Variants in MTMR3 observed in about 807,000 individuals in gnomAD.
MTMR3 encodes myotubularin related protein 3, also known as phosphatidylinositol-3,5-bisphosphate 3-phosphatase MTMR3.
MTMR3 carries 32 observed loss-of-function variants against 132.4 expected under a neutral mutation model. The observed-to-expected ratio is 0.24, with a 90% CI of 0.18 to 0.32. MTMR3 has a LOEUF of 0.32. Ranked by LOEUF, MTMR3 falls within the 10% of genes least tolerant of loss-of-function variation. The pLI, the probability that MTMR3 is intolerant of heterozygous loss-of-function variation, is 1.00. For synonymous variants in MTMR3, 556 were observed against 550.3 expected, an observed-to-expected ratio of 1.01 and a Z score of -0.14; for missense variants, 1,216 against 1,489.6, an observed-to-expected ratio of 0.82 and a Z score of 3.02.
At chr22:29,929,231 A>G (rs2065590731) in intron 1 of MTMR3, among the ~76,000 whole-genome samples, 1 of 152,006 alleles carries the variant, frequency 6.6e-6, no homozygotes, top group Admixed American at 6.6e-5. Context: ...CAGTGAGCTG[A>G]GATTGTGCCA....
chr22:30,010,769 T>C (rs961226102), intron 12 of MTMR3: 1 of 152,238 alleles, frequency 6.6e-6, no homozygotes, highest in Non-Finnish European at 1.5e-5. Context: ...CTAAGCCTTA[T>C]CTTTTAGTTC....
At chr22:29,946,844 T>A (rs2065963102) in intron 1 of MTMR3, among the ~76,000 whole-genome samples, 1 of 152,126 alleles carries the variant, frequency 6.6e-6, no homozygotes, top group African/African-American at 2.4e-5. Flanking sequence ...AAATGCTCAG[T>A]AGCGCAAATA....
chr22:30,003,140 T>G (rs2067208608), intron 9 of MTMR3, 147 bp downstream of exon 9: 1 of 602,830 alleles, frequency 1.7e-6, no homozygotes, highest in Non-Finnish European at 3.0e-6. Context: ...TTGTTAAAGC[T>G]TCTCCTCCAG....
At chr22:29,971,521 CATAT>C (rs991555576) in intron 3 of MTMR3, among the ~76,000 whole-genome samples, 1 of 150,450 alleles carries the variant, frequency 6.6e-6, no homozygotes, top group African/African-American at 2.4e-5. Context: ...TTTTGAAATA[CATAT>C]ATACCTTGTG....
chr22:29,929,528 TAGAC>T (rs916873608), intron 1 of MTMR3, among the ~76,000 whole-genome samples: 11 of 151,922 alleles, frequency 7.2e-5, no homozygotes, highest in East Asian at 1.9e-4. Context: ...TATTTTTTCT[TAGAC>T]AGAGTCTTGC....
chr22:29,988,469 TAAAA>T lies in MTMR3; in HGVS notation c.211-10_211-7del. 1 of 1,604,556 alleles carries T rather than the reference TAAAA, an allele frequency of 6.2e-7. No individual in the cohort carries two copies. Among genetic ancestry groups the T allele is most frequent in the Non-Finnish European group, 8.5e-7 (1 of 1,173,562 alleles). ...TTTGACTAAGAGGACTTCATTTTTT[TAAAA>T]TTGCAGGTTCCATTACAGCTTATAG... On this transcript the variant is annotated splice_polypyrimidine_tract_variant and splice_region_variant and intron_variant, in intron 5 of 19. Coordinates refer to ENST00000401950, the MANE Select transcript of MTMR3 (RefSeq NM_021090.4).
chr22:29,950,791 A>T (rs569413645), intron 1 of MTMR3, among the ~76,000 whole-genome samples: 4 of 152,354 alleles, frequency 2.6e-5, no homozygotes, highest in African/African-American at 9.6e-5. Context: ...TTCAGAAAAT[A>T]ACTTTACAGA....
At chr22:29,930,651 C>T (rs1038434327) in intron 1 of MTMR3, among the ~76,000 whole-genome samples, 1 of 152,160 alleles carries the variant, frequency 6.6e-6, no homozygotes, top group Admixed American at 6.5e-5. Flanking sequence ...GTGATTGTGC[C>T]ACTGCACTCC....
intron 1 of MTMR3, among the ~76,000 whole-genome samples, chr22:29,909,799 T>C (rs73396841): frequency 0.037 from 5,633 of 152,288 alleles, 368 homozygotes; most frequent in African/African-American, 0.13. Flanking sequence ...TAAATTTGCT[T>C]CTTGTTAAAA....
At chr22:29,892,541 A>G (rs2064820644) in intron 1 of MTMR3, among the ~76,000 whole-genome samples, 1 of 152,150 alleles carries the variant, frequency 6.6e-6, no homozygotes, top group African/African-American at 2.4e-5. Flanking sequence ...TTCCATGATG[A>G]TTCTTAGATT....
chr22:30,017,653 A>G, intron 15 of MTMR3: 1 of 364,976 alleles, frequency 2.7e-6, no homozygotes, highest in East Asian at 6.1e-5. Context: ...AAGGTGACCT[A>G]AGAAATAACT....
chr22:29,943,995 T>G (rs1026992005), intron 1 of MTMR3, among the ~76,000 whole-genome samples: 37 of 151,974 alleles, frequency 2.4e-4, no homozygotes, highest in African/African-American at 8.0e-4. Flanking sequence ...GGCTAATTTT[T>G]TTTTGTAGAG....
intron 17 of MTMR3, 57 bp from the exon 18 acceptor site, chr22:30,021,967 CCTTTT>C: frequency 7.5e-7 from 1 of 1,335,138 alleles, no homozygotes; most frequent in African/African-American, 1.4e-5. Flanking sequence ...CTTCACCAGG[CCTTTT>C]CTTCTTTTGG....
chr22:29,908,842 A>T (rs1354094213), intron 1 of MTMR3, among the ~76,000 whole-genome samples: 2 of 152,246 alleles, frequency 1.3e-5, no homozygotes, highest in Non-Finnish European at 2.9e-5. Flanking sequence ...TATTCTTTAA[A>T]GCATATTTAG....
At chr22:29,992,473 C>T (rs1306404290) in intron 7 of MTMR3, 2 of 152,046 alleles carry the variant, frequency 1.3e-5, no homozygotes, top group African/African-American at 4.8e-5. Context: ...TAGTCTTTGT[C>T]CCCCTCACTG....
intron 6 of MTMR3, chr22:29,988,891 ATG>A (rs1019056976): frequency 1.3e-4 from 22 of 163,162 alleles, no homozygotes; most frequent in Admixed American, 4.9e-4. Flanking sequence ...GCGTGTGTGT[ATG>A]TGTGTGTGTG....
At chr22:29,964,188 A>G (rs2066369985) in intron 2 of MTMR3, among the ~76,000 whole-genome samples, 1 of 152,230 alleles carries the variant, frequency 6.6e-6, no homozygotes, top group Admixed American at 6.5e-5. Flanking sequence ...ACTGCTTATC[A>G]GACTAACAGT....
At chr22:29,998,719 G>A (rs773730044) in intron 7 of MTMR3, 42 bp from the exon 8 acceptor site, 5 of 1,466,032 alleles carry the variant, frequency 3.4e-6, no homozygotes, top group Non-Finnish European at 4.7e-6. Flanking sequence ...TTGCAAAATG[G>A]TATTCATTTC....
intron 1 of MTMR3, among the ~76,000 whole-genome samples, chr22:29,904,597 C>G (rs5752978): frequency 0.29 from 44,348 of 152,100 alleles, 7,649 homozygotes; most frequent in East Asian, 0.61. Flanking sequence ...TATTAGATAA[C>G]CAATAGTAAG....
Sources: allele counts gnomAD v4.1 joint callset (sites outside exome capture counted in the v4.1 genomes callset), GRCh38; gene constraint gnomAD v4.1.1; transcripts MANE v1.5; gene names NCBI Gene and HGNC (gene_info 2026-07-23, HGNC 2026-07-21).